RBMS3: variants seen among roughly 807,000 people sequenced by gnomAD.
The protein encoded by RBMS3 is RNA binding motif single stranded interacting protein 3.
Under a neutral mutation model 66.8 loss-of-function variants are expected in RBMS3, and 27 were observed. That is an observed-to-expected ratio of 0.40 (90% confidence interval 0.30 to 0.56). The LOEUF (loss-of-function observed/expected upper bound fraction) is 0.56. Ranked by LOEUF, RBMS3 falls within the 20% of genes least tolerant of loss-of-function variation. The pLI is 0.40. For synonymous variants in RBMS3, 188 were observed against 183.0 expected, an observed-to-expected ratio of 1.03 and a Z score of -0.22; for missense variants, 513 against 549.5, an observed-to-expected ratio of 0.93 and a Z score of 0.66.
chr3:29,547,276 C>G (rs886844847), intron 3 of RBMS3, among the ~76,000 whole-genome samples: 106 of 152,272 alleles, frequency 7.0e-4, no homozygotes, highest in African/African-American at 2.5e-3. Flanking sequence ...ATTTGCCCTT[C>G]TTCATCCTAA....
chr3:29,748,653 T>C (rs1275791595), intron 5 of RBMS3, among the ~76,000 whole-genome samples: 4 of 152,174 alleles, frequency 2.6e-5, no homozygotes, highest in Non-Finnish European at 5.9e-5. Flanking sequence ...AGGAGGGGCA[T>C]GATCAAAAGT....
At chr3:29,478,540 G>A (rs1193995372) in intron 2 of RBMS3, among the ~76,000 whole-genome samples, 1 of 152,160 alleles carries the variant, frequency 6.6e-6, no homozygotes, top group Non-Finnish European at 1.5e-5. Flanking sequence ...TTCAACAGAT[G>A]AATTTTGGGA....
intron 3 of RBMS3, among the ~76,000 whole-genome samples, chr3:29,584,926 T>C (rs1333975540): frequency 6.6e-6 from 1 of 152,182 alleles, no homozygotes; most frequent in African/African-American, 2.4e-5. Context: ...ACACCACTGC[T>C]TCTTTAAAAC....
chr3:29,367,291 A>G (rs1163348279), intron 1 of RBMS3, among the ~76,000 whole-genome samples: 1 of 152,168 alleles, frequency 6.6e-6, no homozygotes, highest in Non-Finnish European at 1.5e-5. Flanking sequence ...ATATCTATGT[A>G]TATCTATGCT....
Position 29,798,596 on chromosome 3 carries a change from G to A in RBMS3, c.637+35607G>A, listed in dbSNP as rs559343721. Reference sequence around the variant, plus strand: ...GCATATACAGAATGGAATAGGAGGTGTTTCCTAGAATTGGAAATGTGCTAA... The same window carrying A: ...GCATATACAGAATGGAATAGGAGGTATTTCCTAGAATTGGAAATGTGCTAA... On this transcript the variant is annotated intron_variant, in intron 6 of 14. Transcript: ENST00000383767. Among the ~76,000 whole-genome samples, 2 of 152,124 alleles carry A rather than the reference G, an allele frequency of 1.3e-5. 1 individual carries two copies. Among genetic ancestry groups the A allele is most frequent in the South Asian group, 4.1e-4 (2 of 4,834 alleles).
At chr3:29,530,764 C>A (rs938590557) in intron 3 of RBMS3, among the ~76,000 whole-genome samples, 1 of 150,842 alleles carries the variant, frequency 6.6e-6, no homozygotes, top group Non-Finnish European at 1.5e-5. Context: ...CCCAGCTACT[C>A]GGAAGGCTGA....
intron 6 of RBMS3, among the ~76,000 whole-genome samples, chr3:29,823,732 C>G (rs768887681): frequency 6.6e-6 from 1 of 152,078 alleles, no homozygotes; most frequent in African/African-American, 2.4e-5. Flanking sequence ...CAGTACAGTT[C>G]TAGCACATGT....
chr3:29,922,778 A>G (rs1002033090), intron 10 of RBMS3, among the ~76,000 whole-genome samples: 1 of 152,234 alleles, frequency 6.6e-6, no homozygotes, highest in Admixed American at 6.5e-5. Context: ...TTCTAAAAAT[A>G]TATCCTAATA....
At chr3:29,329,540 A>G (rs1178653588) in intron 1 of RBMS3, among the ~76,000 whole-genome samples, 4 of 152,100 alleles carry the variant, frequency 2.6e-5, no homozygotes, top group Non-Finnish European at 5.9e-5. Context: ...CTCGCAGAAT[A>G]TCATATAGAA....
At chr3:29,602,239 A>G (rs2048171424) in intron 4 of RBMS3, among the ~76,000 whole-genome samples, 3 of 151,686 alleles carry the variant, frequency 2.0e-5, no homozygotes. Context: ...CATTTGACAG[A>G]AGAATTACAA....
In RBMS3 at chr3:30,008,704, T is replaced by G. The variant is rs546210748; in HGVS notation, c.*4842T>G. 6.6e-6 allele frequency: 1 copy of G among 152,202 alleles called. No homozygotes were observed. Among genetic ancestry groups the G allele is most frequent in the South Asian group, 2.1e-4 (1 of 4,830 alleles). The allele number at this position is 152,202 out of a possible 1,614,324, so 9.4% of individuals were successfully genotyped here. On this transcript the variant is annotated 3_prime_UTR_variant, in exon 15 of 15. Transcript: ENST00000383767. The stretch of plus-strand genomic sequence containing the variant: ...GGATTTCATTAATGAATCAATTTGT[T>G]TTACAAATGACATCCACTGTGGCAT...
intron 4 of RBMS3, among the ~76,000 whole-genome samples, chr3:29,593,358 A>T (rs1013747547): frequency 1.3e-5 from 2 of 152,198 alleles, no homozygotes; most frequent in Non-Finnish European, 2.9e-5. Flanking sequence ...TAGGTAAAGC[A>T]GAAGAAACAG....
At chr3:29,781,009 C>T (rs565259964) in intron 6 of RBMS3, among the ~76,000 whole-genome samples, 63 of 151,898 alleles carry the variant, frequency 4.1e-4, no homozygotes, top group African/African-American at 1.5e-3. Context: ...TACATGTGCA[C>T]AATGTGCAGG....
chr3:29,555,951 G>C (rs555294208), intron 3 of RBMS3, among the ~76,000 whole-genome samples: 1 of 152,032 alleles, frequency 6.6e-6, no homozygotes, highest in Non-Finnish European at 1.5e-5. Context: ...CGGCTAAATC[G>C]AATGCTTGAT....
chr3:29,320,905 T>A (rs2034969989), intron 1 of RBMS3, among the ~76,000 whole-genome samples: 1 of 151,676 alleles, frequency 6.6e-6, no homozygotes. Flanking sequence ...GAGCCATGGC[T>A]CCAGTACTCT....
In RBMS3 at chr3:29,893,142, C is replaced by T. The variant is rs115648022; in HGVS notation, c.792-4237C>T. 9.7e-3 allele frequency among the ~76,000 whole-genome samples: 1,469 copies of T among 151,460 alleles called. 17 individuals carry two copies. The highest frequency in any genetic ancestry group is 0.032 in the African/African-American group (1,337 of 41,386). On this transcript the variant is annotated intron_variant, in intron 8 of 14. Coordinates refer to ENST00000383767, the MANE Select transcript of RBMS3 (RefSeq NM_001003793.3). Reference sequence around the variant, plus strand: ...GAATTAGGAGATCAAGACGGTATGCCGATTCTGTTCTTCCCAGAACATTTT... The same window carrying T: ...GAATTAGGAGATCAAGACGGTATGCTGATTCTGTTCTTCCCAGAACATTTT...
chr3:29,663,000 G>A (rs1045104636), intron 4 of RBMS3, among the ~76,000 whole-genome samples: 1 of 152,162 alleles, frequency 6.6e-6, no homozygotes, highest in African/African-American at 2.4e-5. Context: ...ATCCTTGGAG[G>A]CAGAGGTTAC....
intron 3 of RBMS3, among the ~76,000 whole-genome samples, chr3:29,528,013 C>G (rs2148987652): frequency 6.6e-6 from 1 of 151,740 alleles, no homozygotes; most frequent in East Asian, 1.9e-4. Flanking sequence ...TACTCAAGCA[C>G]TGCACTGGTG....
intron 4 of RBMS3, among the ~76,000 whole-genome samples, chr3:29,648,261 C>CTTTTTTTTT (rs1576434694): frequency 1.1e-5 from 1 of 88,144 alleles, no homozygotes; most frequent in Non-Finnish European, 2.2e-5. Flanking sequence ...TAGAAAATGT[C>CTTTTTTTTT]TATTTTTTTT....
Sources: allele counts gnomAD v4.1 joint callset (sites outside exome capture counted in the v4.1 genomes callset), GRCh38; gene constraint gnomAD v4.1.1; transcripts MANE v1.5; gene names NCBI Gene and HGNC (gene_info 2026-07-23, HGNC 2026-07-21).